The following MAST2 variants were observed in gnomAD, a reference collection of about 807,000 sequenced individuals.
MAST2 encodes the protein microtubule associated serine/threonine kinase 2.
In MAST2, 70 loss-of-function variants were observed where a neutral mutation model predicts 147.4. The ratio of observed to expected loss-of-function variants is 0.47; its 90% CI spans 0.39 to 0.58. MAST2 has a LOEUF of 0.58. Ranked by LOEUF, MAST2 falls within the 20% of genes least tolerant of loss-of-function variation. The probability of loss-of-function intolerance (pLI) is 0.00; values close to 1 mark genes in which losing one functional copy is unlikely to be tolerated. For missense variants in MAST2, 2,080 were observed against 2,302.3 expected (o/e 0.90, Z 1.98); for synonymous variants, 869 against 896.8 (o/e 0.97, Z 0.55).
In MAST2 at chr1:46,034,286, G is replaced by T. The variant is rs751808812; in HGVS notation, c.3868+20G>T. 1.2e-6 allele frequency: 2 copies of T among 1,600,434 alleles called. No individual in the cohort carries two copies. Among genetic ancestry groups the T allele is most frequent in the Admixed American group, 1.7e-5 (1 of 58,564 alleles). On this transcript the variant is annotated intron_variant, in intron 28 of 28. Coordinates refer to ENST00000361297, the MANE Select transcript of MAST2 (RefSeq NM_015112.3). ...ATTCAGGTACGAAGGGCTCCCTGCA[G>T]ATCAGTGACAACCCCTGGGAAATAG...
At chr1:45,875,314 C>T (rs1056464458) in intron 3 of MAST2, among the ~76,000 whole-genome samples, 4 of 152,028 alleles carry the variant, frequency 2.6e-5, no homozygotes, top group Non-Finnish European at 5.9e-5. Flanking sequence ...GACGTGGTGG[C>T]GCATGCCTGT....
chr1:45,982,963 G>C (rs1183423001), intron 5 of MAST2, among the ~76,000 whole-genome samples: 4 of 152,192 alleles, frequency 2.6e-5, no homozygotes, highest in Non-Finnish European at 5.9e-5. Context: ...CTGGCCAGTT[G>C]GAAAGAATGC....
intron 15 of MAST2, 192 bp downstream of exon 15, chr1:46,024,172 C>G: frequency 5.1e-6 from 3 of 589,058 alleles, no homozygotes; most frequent in South Asian, 1.9e-5. Context: ...CCTGCCTCTA[C>G]CATGAGAGGC....
At chr1:45,901,107 A>G (rs942762877) in intron 4 of MAST2, among the ~76,000 whole-genome samples, 13 of 152,078 alleles carry the variant, frequency 8.5e-5, no homozygotes, top group African/African-American at 2.4e-4. Context: ...TTTCCTAGGT[A>G]TTCTTTTAGG....
chr1:45,980,897 C>A (rs1644379659), intron 5 of MAST2, among the ~76,000 whole-genome samples: 1 of 152,100 alleles, frequency 6.6e-6, no homozygotes, highest in Non-Finnish European at 1.5e-5. Context: ...CAAATTGTAA[C>A]CATCCAATGG....
At chr1:45,891,213 T>C (rs773246945) in intron 4 of MAST2, among the ~76,000 whole-genome samples, 1 of 152,170 alleles carries the variant, frequency 6.6e-6, no homozygotes, top group Non-Finnish European at 1.5e-5. Context: ...TTTTGTGCAC[T>C]GGATGTACTA....
intron 8 of MAST2, among the ~76,000 whole-genome samples, chr1:46,006,793 A>T (rs1645505574): frequency 6.6e-6 from 1 of 152,120 alleles, no homozygotes; most frequent in African/African-American, 2.4e-5. Context: ...TTTTCTGTTT[A>T]AAGGTAGTTA....
intron 4 of MAST2, among the ~76,000 whole-genome samples, chr1:45,924,290 T>A (rs1401813816): frequency 6.6e-6 from 1 of 152,262 alleles, no homozygotes; most frequent in African/African-American, 2.4e-5. Context: ...GAATCTGTGC[T>A]TAGTGAAAAC....
At chr1:45,956,598 G>A (rs752587001) in intron 4 of MAST2, among the ~76,000 whole-genome samples, 4 of 152,158 alleles carry the variant, frequency 2.6e-5, no homozygotes, top group Non-Finnish European at 5.9e-5. Context: ...CACAATTTCT[G>A]TCACAAAGTA....
intron 4 of MAST2, among the ~76,000 whole-genome samples, chr1:45,927,515 A>G (rs1654578351): frequency 6.6e-6 from 1 of 150,654 alleles, no homozygotes; most frequent in Non-Finnish European, 1.5e-5. Context: ...GAATTCAGCG[A>G]TATTTCTCCC....
intron 3 of MAST2, among the ~76,000 whole-genome samples, chr1:45,838,102 A>G (rs1478795008): frequency 5.9e-5 from 9 of 151,324 alleles, no homozygotes; most frequent in African/African-American, 2.2e-4. Flanking sequence ...TTTTAGCCAT[A>G]CTAGTGGATG....
intron 1 of MAST2, among the ~76,000 whole-genome samples, chr1:45,804,757 TTATG>T: frequency 6.6e-6 from 1 of 152,328 alleles, no homozygotes; most frequent in East Asian, 1.9e-4. Context: ...CAGGATATGT[TTATG>T]TAATTTATTA....
chr1:45,842,926 A>G (rs977865965), intron 3 of MAST2, among the ~76,000 whole-genome samples: 3 of 152,162 alleles, frequency 2.0e-5, no homozygotes, highest in African/African-American at 7.2e-5. Flanking sequence ...CAGTTTCTCT[A>G]TATCTTTGTC....
chr1:45,997,694 A>G, intron 5 of MAST2, 30 bp from the exon 6 acceptor site: 2 of 1,578,600 alleles, frequency 1.3e-6, no homozygotes, highest in Non-Finnish European at 8.7e-7. Context: ...AGCAAACCTC[A>G]CAGAGTTTTG....
At chr1:45,832,448 C>T (rs968976525) in intron 3 of MAST2, among the ~76,000 whole-genome samples, 5 of 151,948 alleles carry the variant, frequency 3.3e-5, no homozygotes, top group Admixed American at 6.6e-5. Flanking sequence ...ATGTGTGCCA[C>T]CTCACCTGGC....
intron 4 of MAST2, among the ~76,000 whole-genome samples, chr1:45,927,788 G>A (rs369572320): frequency 6.6e-6 from 1 of 152,208 alleles, no homozygotes; most frequent in Non-Finnish European, 1.5e-5. Context: ...GGAAAGCACA[G>A]GGGTATTGAT....
In MAST2 at chr1:45,829,461, C is replaced by T. The variant is rs760852742; in HGVS notation, c.348C>T (p.Ser116=). ...AAGGTAAGCAGCTGCTCCCTTTGTC[C>T]AGCAGTGTACATAGCAGTGTGGGAC... The part of the protein sequence containing the change: ...SLSGKQLLPL[S]SSVHSSVGQV... Residue 116 remains serine, a synonymous_variant, in exon 3 of 29, where the codon TCC becomes TCT. Transcript: ENST00000361297. 2 of 1,613,408 alleles carry T rather than the reference C, an allele frequency of 1.2e-6. No individual in the cohort carries two copies. The highest frequency in any genetic ancestry group is 1.7e-6 in the Non-Finnish European group (2 of 1,179,764).
Position 46,032,723 on chromosome 1 carries a change from G to A in MAST2, c.3537+5G>A. On this transcript the variant is annotated splice_donor_5th_base_variant and intron_variant, in intron 26 of 28. Transcript: ENST00000361297. ...GTGGTAGAGCTGATCCTGAAGGTTAGTGCTGGGCGTGCTGCCTGCATGGTC... is the reference window on the plus strand; with the variant it reads ...GTGGTAGAGCTGATCCTGAAGGTTAATGCTGGGCGTGCTGCCTGCATGGTC... The A allele has an allele frequency of 1.2e-6, 2 of 1,610,302 alleles. No individual in the cohort carries two copies. The highest frequency in any genetic ancestry group is 1.7e-6 in the Non-Finnish European group (2 of 1,177,602).
At chr1:46,032,453 C>T in intron 25 of MAST2, 49 bp downstream of exon 25, 1 of 1,606,322 alleles carries the variant, frequency 6.2e-7, no homozygotes, top group African/African-American at 1.3e-5. Flanking sequence ...ATCATCCTTC[C>T]AGCTTCCCCT....
Sources: allele counts gnomAD v4.1 joint callset (sites outside exome capture counted in the v4.1 genomes callset), GRCh38; gene constraint gnomAD v4.1.1; transcripts MANE v1.5; gene names NCBI Gene and HGNC (gene_info 2026-07-23, HGNC 2026-07-21).